Variants in LIMCH1 observed in about 807,000 individuals in gnomAD.
LIMCH1 encodes LIM and calponin homology domains 1.
Under a neutral mutation model 176.5 loss-of-function variants are expected in LIMCH1, and 113 were observed. That is an observed-to-expected ratio of 0.64 (90% CI 0.55 to 0.75). The LOEUF is 0.75. Ranked by LOEUF, LIMCH1 falls within the 30% of genes least tolerant of loss-of-function variation. LIMCH1 has a pLI of 0.00. For missense variants in LIMCH1, 1,674 were observed against 1,814.9 expected, an observed-to-expected ratio of 0.92 and a Z score of 1.41; for synonymous variants, 619 against 645.9, an observed-to-expected ratio of 0.96 and a Z score of 0.63.
At chr4:41,581,112 G>GTCTATCTA (rs1554109824) in intron 1 of LIMCH1, among the ~76,000 whole-genome samples, 2,682 of 132,974 alleles carry the variant, frequency 0.02, 42 homozygotes, top group East Asian at 0.066. Flanking sequence ...CTGTCTGTCT[G>GTCTATCTA]TCTATCTATC....
At chr4:41,670,658 T>C in intron 21 of LIMCH1, 1 of 1,274,718 alleles carries the variant, frequency 7.8e-7, no homozygotes, top group Non-Finnish European at 1.1e-6. Context: ...CATGGTTCTA[T>C]TCAGTTCTCA....
At chr4:41,613,048 G>A in intron 4 of LIMCH1, 2 of 1,552,056 alleles carry the variant, frequency 1.3e-6, no homozygotes, top group Admixed American at 2.0e-5. Flanking sequence ...TAAACCAGGG[G>A]CTCATTCCCA....
At chr4:41,612,942 G>A (rs567244265) in intron 4 of LIMCH1, 58 of 1,520,690 alleles carry the variant, frequency 3.8e-5, no homozygotes, top group South Asian at 1.1e-4. Flanking sequence ...AGATGAACGC[G>A]TGCTGCTCCA....
chr4:41,589,119 G>C (rs990643593), intron 1 of LIMCH1, among the ~76,000 whole-genome samples: 3 of 152,220 alleles, frequency 2.0e-5, no homozygotes, highest in African/African-American at 7.2e-5. Context: ...CAAGGGGAGA[G>C]AGAAATGGAC....
Position 41,620,405 on chromosome 4 carries a change from A to G in LIMCH1, c.459-19A>G, listed in dbSNP as rs2092474215. On this transcript the variant is annotated intron_variant, in intron 6 of 31. Transcript: ENST00000503057. The stretch of plus-strand genomic sequence containing the variant: ...GCCCAGTCTGTTAGTTTGGTAAACC[A>G]TATTGTCCAACTCACTAGCTTTCCT... The G allele has an allele frequency of 1.3e-6, 2 of 1,533,334 alleles. No homozygotes were observed. Among genetic ancestry groups the G allele is most frequent in the Non-Finnish European group, 1.7e-6 (2 of 1,145,478 alleles). 95.0% of individuals were successfully genotyped at this position (1,533,334 alleles called of 1,614,324 possible).
At chr4:41,419,116 A>T (rs2060199526) in intron 1 of LIMCH1, among the ~76,000 whole-genome samples, 1 of 148,370 alleles carries the variant, frequency 6.7e-6, no homozygotes. Context: ...CTAAGTCACT[A>T]CGTTTTGTTT....
At chr4:41,596,502 T>C (rs1411699609) in intron 1 of LIMCH1, among the ~76,000 whole-genome samples, 1 of 152,186 alleles carries the variant, frequency 6.6e-6, no homozygotes, top group Non-Finnish European at 1.5e-5. Context: ...GTAACTGAAA[T>C]ATTGGGACAA....
At chr4:41,492,844 C>A (rs1042294475) in intron 1 of LIMCH1, among the ~76,000 whole-genome samples, 2 of 152,076 alleles carry the variant, frequency 1.3e-5, no homozygotes, top group African/African-American at 4.8e-5. Flanking sequence ...GATTAGTGAA[C>A]CTCTTTATCA....
intron 21 of LIMCH1, chr4:41,670,948 A>G: frequency 1.0e-6 from 1 of 983,932 alleles, no homozygotes; most frequent in East Asian, 1.1e-4. Flanking sequence ...TATTACTACC[A>G]GTTATGCTAA....
intron 5 of LIMCH1, among the ~76,000 whole-genome samples, chr4:41,617,310 T>C (rs955624176): frequency 1.3e-5 from 2 of 152,096 alleles, no homozygotes; most frequent in African/African-American, 4.8e-5. Context: ...GGAAAGAACT[T>C]TGGGAGTCAA....
At chr4:41,475,130 C>A (rs2067538634) in intron 1 of LIMCH1, among the ~76,000 whole-genome samples, 2 of 152,092 alleles carry the variant, frequency 1.3e-5, no homozygotes, top group South Asian at 4.2e-4. Context: ...CTACCTGTAT[C>A]CAGGAAATCA....
chr4:41,661,152 G>A (rs1038267466), intron 18 of LIMCH1, among the ~76,000 whole-genome samples: 3 of 150,968 alleles, frequency 2.0e-5, no homozygotes, highest in Admixed American at 6.7e-5. Context: ...TTGAGCTTTT[G>A]GTGGTGAAAG....
chr4:41,637,828 ATTCTCTAAGAT>A (rs1243560122), intron 13 of LIMCH1, among the ~76,000 whole-genome samples: 2 of 152,126 alleles, frequency 1.3e-5, no homozygotes, highest in Non-Finnish European at 2.9e-5. Flanking sequence ...TTTCTCTAAG[ATTCTCTAAGAT>A]TTCTCTAAGA....
intron 1 of LIMCH1, among the ~76,000 whole-genome samples, chr4:41,546,301 A>G (rs1490727559): frequency 1.3e-5 from 2 of 151,536 alleles, no homozygotes; most frequent in East Asian, 3.9e-4. Context: ...ACCATGCCCA[A>G]CTAATTTTTG....
At chr4:41,684,136 T>C (rs1419097570) in intron 26 of LIMCH1, among the ~76,000 whole-genome samples, 2 of 152,214 alleles carry the variant, frequency 1.3e-5, no homozygotes, top group African/African-American at 2.4e-5. Context: ...GCTCTGGCAT[T>C]CCTTGAAATT....
intron 1 of LIMCH1, among the ~76,000 whole-genome samples, chr4:41,431,973 A>T (rs2061641374): frequency 6.6e-6 from 1 of 152,198 alleles, no homozygotes; most frequent in African/African-American, 2.4e-5. Context: ...ATGAAATCAT[A>T]ATTAATCTTC....
rs543621463 is a variant in LIMCH1, at chr4:41,456,030, GT to G, written c.97-38503del. Among the ~76,000 whole-genome samples, 883 of 148,008 alleles carry G rather than the reference GT, an allele frequency of 6.0e-3. 2 individuals are homozygous for G. The highest frequency in any genetic ancestry group is 9.5e-3 in the Non-Finnish European group (644 of 67,754). On this transcript the variant is annotated intron_variant, in intron 1 of 26. Transcript: ENST00000313860. ...CTGGATGTGAGACACACTTTTTTTT[GT>G]TTGTTTGTTTTGTTTGTTTGTTTTT...
intron 1 of LIMCH1, among the ~76,000 whole-genome samples, chr4:41,493,520 A>G (rs1473940394): frequency 1.3e-5 from 2 of 152,122 alleles, no homozygotes; most frequent in African/African-American, 4.8e-5. Flanking sequence ...AACTGTTTAT[A>G]TAGCATTTAT....
At position 41,413,016 on chromosome 4, in the gene LIMCH1, T is replaced by TCTA. The variant is rs919218682; in HGVS notation, c.96+52082_96+52084dup. Among the ~76,000 whole-genome samples the TCTA allele has an allele frequency of 2.6e-5, 4 of 152,184 alleles. No individual in the cohort carries two copies. In the South Asian group the frequency reaches 6.2e-4, roughly 24 times the overall value. ...AAAGGACTTTTTGAGGATAAGCTTA[T>TCTA]CTACCACCTTTGAAGATTGAGATAA... On this transcript the variant is annotated intron_variant, in intron 1 of 26. Coordinates refer to the LIMCH1 transcript ENST00000313860.
Sources: allele counts gnomAD v4.1 joint callset (sites outside exome capture counted in the v4.1 genomes callset), GRCh38; gene constraint gnomAD v4.1.1; transcripts MANE v1.5; gene names NCBI Gene and HGNC (gene_info 2026-07-23, HGNC 2026-07-21).